KCNG1: variants seen among roughly 807,000 people sequenced by gnomAD.
KCNG1 encodes voltage-gated potassium channel regulatory subunit KCNG1.
A neutral mutation model predicts 32.4 loss-of-function variants in KCNG1; 17 were observed. The observed-to-expected ratio is 0.52, with a 90% CI of 0.36 to 0.79. The LOEUF is 0.79. Ranked by LOEUF, KCNG1 falls within the 30% of genes least tolerant of loss-of-function variation. The probability of loss-of-function intolerance (pLI) is 0.00; values close to 1 mark genes in which losing one functional copy is unlikely to be tolerated. For missense variants in KCNG1, 441 were observed against 735.2 expected, an observed-to-expected ratio of 0.60 and a Z score of 4.63; for synonymous variants, 358 against 339.9, an observed-to-expected ratio of 1.05 and a Z score of -0.59.
In KCNG1 at chr20:51,009,943, G is replaced by C. The variant is rs763218689; in HGVS notation, c.396C>G (p.Arg132=). Residue 132 remains arginine (R), a synonymous_variant, in exon 2 of 3, where the codon CGC becomes CGG. Transcript: ENST00000371571. The part of the protein sequence containing the change: ...GAFGTILTFL[R]AGKLRLLREM... Reference sequence around the variant, plus strand: ...CGCGCAGCAGCCGCAGCTTGCCCGCGCGCAGGAAGGTCAGGATAGTGCCGA... The same window carrying C: ...CGCGCAGCAGCCGCAGCTTGCCCGCCCGCAGGAAGGTCAGGATAGTGCCGA... 23 of 1,613,736 alleles carry C rather than the reference G, an allele frequency of 1.4e-5. No individual in the cohort carries two copies.
At chr20:51,016,740 A>G (rs930693062) in intron 1 of KCNG1, among the ~76,000 whole-genome samples, 1 of 152,154 alleles carries the variant, frequency 6.6e-6, no homozygotes, top group Non-Finnish European at 1.5e-5. Context: ...CGCTGAGTGA[A>G]CCCTCAATAG....
intron 1 of KCNG1, 100 bp from the exon 2 acceptor site, chr20:51,010,464 T>A: frequency 3.5e-6 from 3 of 847,060 alleles, no homozygotes; most frequent in South Asian, 3.8e-5. Context: ...GATGGAATCT[T>A]TGTCCCCCAC....
At chr20:51,013,051 C>A (rs1352837020) in intron 1 of KCNG1, among the ~76,000 whole-genome samples, 2 of 151,646 alleles carry the variant, frequency 1.3e-5, no homozygotes, top group South Asian at 4.2e-4. Context: ...GGCCTGTAAT[C>A]CCAGCACTTT....
chr20:51,009,949 G>A lies in KCNG1; in HGVS notation c.390C>T (p.Phe130=), dbSNP rs373952658. 1 of 1,613,898 alleles carries A rather than the reference G, an allele frequency of 6.2e-7. No individual in the cohort carries two copies. The highest frequency in any genetic ancestry group is 8.5e-7 in the Non-Finnish European group (1 of 1,179,968). The change falls in exon 2 of 3, where the codon TTC becomes TTT. Residue 130 remains phenylalanine, a synonymous_variant. Coordinates refer to ENST00000371571, the MANE Select transcript of KCNG1 (RefSeq NM_002237.4). ...NPGAFGTILT[F]LRAGKLRLLR... is the part of the protein sequence containing the mutation. ...GCAGCCGCAGCTTGCCCGCGCGCAGGAAGGTCAGGATAGTGCCGAAGGCCC... is the reference window on the plus strand; with the variant it reads ...GCAGCCGCAGCTTGCCCGCGCGCAGAAAGGTCAGGATAGTGCCGAAGGCCC...
intron 1 of KCNG1, among the ~76,000 whole-genome samples, chr20:51,019,576 T>C (rs17727099): frequency 0.14 from 20,547 of 152,194 alleles, 1,820 homozygotes; most frequent in Non-Finnish European, 0.2. Flanking sequence ...TGCAAGTATG[T>C]GAAAGGAGGA....
In KCNG1 at chr20:51,004,427, C is replaced by A; in HGVS notation, c.1154G>T (p.Cys385Phe). The A allele has an allele frequency of 6.2e-7, 1 of 1,609,626 alleles. No homozygotes were observed. Among genetic ancestry groups the A allele is most frequent in the Non-Finnish European group, 8.5e-7 (1 of 1,176,708 alleles). ...REFGLLLLFL[C>F]VAIALFAPLL... ...GGGCGCGAAGAGGGCGATGGCCACG[C>A]AGAGGAAGAGCAGCAGGAGCCCGAA... is the stretch of plus-strand genomic sequence containing the variant. The change falls in exon 3 of 3, where the codon TGC (cysteine) becomes TTC (phenylalanine). Residue 385 changes from cysteine (C) to phenylalanine (F), a missense_variant. Transcript: ENST00000371571. The surrounding 1 kb of genome is among the most constrained non-coding windows in gnomAD (Gnocchi z 4.3).
Position 51,009,788 on chromosome 20 carries a change from T to C in KCNG1, c.551A>G (p.Glu184Gly). 6.2e-7 allele frequency: 1 copy of C among 1,612,044 alleles called. No individual in the cohort carries two copies. The change falls in exon 2 of 3, where the codon GAA (glutamate) becomes GGA (glycine). Residue 184 changes from glutamate (E) to glycine (G), a missense_variant. Glu to Gly is a moderately conservative substitution (Grantham distance 98). This residue lies in a region of KCNG1 where 52 missense variants were observed against 50.3 expected (regional missense o/e 1.03). Coordinates refer to ENST00000371571, the MANE Select transcript of KCNG1 (RefSeq NM_002237.4). The part of the protein sequence containing the change: ...EEFAEMVERE[E>G]EDDALDSEGR... ...CTCGCTGTCCAGCGCGTCGTCCTCT[T>C]CCTCCCGCTCCACCATCTCCGCGAA...
At chr20:51,011,765 G>A (rs973000205) in intron 1 of KCNG1, among the ~76,000 whole-genome samples, 1 of 152,164 alleles carries the variant, frequency 6.6e-6, no homozygotes, top group African/African-American at 2.4e-5. Flanking sequence ...TGCAGTGCCT[G>A]GCACATAGTA....
At chr20:51,009,412 C>G in intron 2 of KCNG1, 153 bp downstream of exon 2, 2 of 942,198 alleles carry the variant, frequency 2.1e-6, no homozygotes, top group Non-Finnish European at 3.1e-6. Flanking sequence ...AACAGGGAGG[C>G]AGACCATGCA....
Position 51,004,327 on chromosome 20 carries a change from A to T in KCNG1, c.1254T>A (p.Ala418=). ...AGCCCACCGTCGTCATGGTGATGAC[A>T]GCCCACCAGTAGCAGGCAGGGATGC... ...FTSIPACYWW[A]VITMTTVGYG... The change falls in exon 3 of 3, where the codon GCT becomes GCA. Residue 418 remains alanine, a synonymous_variant. Transcript: ENST00000371571. The surrounding 1 kb of genome is among the most constrained non-coding windows in gnomAD (Gnocchi z 4.3). 1 of 1,613,864 alleles carries T rather than the reference A, an allele frequency of 6.2e-7. No individual in the cohort carries two copies. The highest frequency in any genetic ancestry group is 8.5e-7 in the Non-Finnish European group (1 of 1,179,796).
intron 1 of KCNG1, among the ~76,000 whole-genome samples, chr20:51,018,518 CTG>C (rs2123274645): frequency 6.6e-6 from 1 of 152,288 alleles, no homozygotes; most frequent in Admixed American, 6.5e-5. Flanking sequence ...CCTGTTCTTT[CTG>C]TCTTATGCTC....
At chr20:51,020,304 G>A (rs1384919139) in intron 1 of KCNG1, among the ~76,000 whole-genome samples, 3 of 152,134 alleles carry the variant, frequency 2.0e-5, no homozygotes, top group Non-Finnish European at 2.9e-5. Flanking sequence ...GCAGGCTTGG[G>A]GGAGCAGTGG....
At position 51,010,314 on chromosome 20, in the gene KCNG1, A is replaced by C. The variant is rs1988030697; in HGVS notation, c.25T>G (p.Ser9Ala). The part of the protein sequence containing the change: MTLLPGDN[S>A]DYDYSALSCT... ...CTCAGCGCGCTGTAGTCGTAGTCAGAATTGTCTCCCGGTAAGAGGGTCATT... is the reference window on the plus strand; with the variant it reads ...CTCAGCGCGCTGTAGTCGTAGTCAGCATTGTCTCCCGGTAAGAGGGTCATT... The change falls in exon 2 of 3, where the codon TCT (serine) becomes GCT (alanine). Residue 9 changes from serine (S) to alanine (A), a missense_variant. By Grantham distance (99) the Ser-to-Ala change is moderately conservative (BLOSUM62 1). Around this residue, in one of 6 missense-constraint regions of KCNG1, gnomAD observed 85 missense variants for 98.2 expected, o/e 0.87. Transcript: ENST00000371571. The C allele has an allele frequency of 6.6e-7, 1 of 1,506,000 alleles. No individual in the cohort carries two copies. The highest frequency in any genetic ancestry group is 1.4e-5 in the African/African-American group (1 of 71,692). The allele number at this position is 1,506,000 out of a possible 1,614,324, so 93.3% of individuals were successfully genotyped here. A position where few individuals can be genotyped will look rare whatever the true frequency, so the allele number is the denominator to read the frequency against.
chr20:51,009,979 G>C lies in KCNG1; in HGVS notation c.360C>G (p.Asn120Lys). Residue 120 changes from asparagine to lysine, a missense_variant, in exon 2 of 3, where the codon AAC becomes AAG. Physicochemically the swap from Asn to Lys is moderately conservative, Grantham distance 94 (BLOSUM62 0). Transcript: ENST00000371571. ...VTCNEFFFDR[N>K]PGAFGTILTF... ...TCAGGATAGTGCCGAAGGCCCCCGG[G>C]TTGCGGTCGAAGAAGAACTCGTTGC... The C allele has an allele frequency of 6.2e-7, 1 of 1,614,022 alleles. No homozygotes were observed. Among genetic ancestry groups the C allele is most frequent in the Non-Finnish European group, 8.5e-7 (1 of 1,179,986 alleles).
chr20:51,004,943 C>T lies in KCNG1; in HGVS notation c.775-137G>A. The stretch of plus-strand genomic sequence containing the variant: ...AGGTTGAGTGGCCCCGGGTCCTCTC[C>T]CTAGTTGTGCCCACTCCGAGGCCTG... On this transcript the variant is annotated intron_variant, in intron 2 of 2. Coordinates refer to ENST00000371571, the MANE Select transcript of KCNG1 (RefSeq NM_002237.4). The surrounding 1 kb of genome is among the most constrained non-coding windows in gnomAD (Gnocchi z 4.3). 2 of 809,770 alleles carry T rather than the reference C, an allele frequency of 2.5e-6. No homozygotes were observed. Among genetic ancestry groups the T allele is most frequent in the South Asian group, 4.0e-5 (2 of 49,398 alleles). The allele number at this position is 809,770 out of a possible 1,614,324, so 50.2% of individuals were successfully genotyped here.
In KCNG1 at chr20:51,010,125, T is replaced by G. The variant is rs994937112; in HGVS notation, c.214A>C (p.Ile72Leu). ...RRRIIINVGG[I>L]KYSLPWTTLD... Reference sequence around the variant, plus strand: ...GTGGTCCAGGGCAGCGAGTACTTGATGCCGCCTACGTTGATGATGATCCGA... The same window carrying G: ...GTGGTCCAGGGCAGCGAGTACTTGAGGCCGCCTACGTTGATGATGATCCGA... The change falls in exon 2 of 3, where the codon ATC becomes CTC. Residue 72 changes from isoleucine to leucine, a missense_variant. This residue lies in a region of KCNG1 where 70 missense variants were observed against 158.4 expected (regional missense o/e 0.44). Coordinates refer to ENST00000371571, the MANE Select transcript of KCNG1 (RefSeq NM_002237.4). 5 of 1,613,678 alleles carry G rather than the reference T, an allele frequency of 3.1e-6. No individual in the cohort carries two copies. The highest frequency in any genetic ancestry group is 4.2e-6 in the Non-Finnish European group (5 of 1,179,970).
intron 1 of KCNG1, among the ~76,000 whole-genome samples, chr20:51,018,523 T>G (rs1988359536): frequency 1.3e-5 from 2 of 152,188 alleles, no homozygotes; most frequent in South Asian, 4.2e-4. Flanking sequence ...TCTTTCTGTC[T>G]TATGCTCTCC....
intron 1 of KCNG1, among the ~76,000 whole-genome samples, chr20:51,020,119 TC>T (rs1988420958): frequency 6.6e-6 from 1 of 151,972 alleles, no homozygotes; most frequent in African/African-American, 2.4e-5. Flanking sequence ...CCAGTGTCCC[TC>T]CCCCCTATAA....
Position 51,010,369 on chromosome 20 carries a change from G to C in KCNG1, c.-26-5C>G. On this transcript the variant is annotated splice_region_variant and splice_polypyrimidine_tract_variant and intron_variant, in intron 1 of 2. Transcript: ENST00000371571. ...GCCTTCACATCCCTCTCGGGCCTGT[G>C]GGGAGAAGGGAGGGAAGACCCTCAG... is the stretch of plus-strand genomic sequence containing the variant. 1 of 1,496,112 alleles carries C rather than the reference G, an allele frequency of 6.7e-7. No individual in the cohort carries two copies. The highest frequency in any genetic ancestry group is 1.8e-4 in the Middle Eastern group (1 of 5,532). The allele number at this position is 1,496,112 out of a possible 1,614,324, so 92.7% of individuals were successfully genotyped here.
Sources: gnomAD v4.1 joint callset for allele counts (sites outside exome capture counted in the v4.1 genomes callset) on GRCh38, gnomAD v4.1.1 for gene constraint, gnomAD v4.1.1 regional missense constraint, Gnocchi (gnomAD v3.1) non-coding constraint, MANE v1.5 for transcripts, NCBI Gene and HGNC (gene_info 2026-07-23, HGNC 2026-07-21) for gene names.